Variants in CEP112 observed in about 807,000 individuals in gnomAD.
CEP112 encodes the protein centrosomal protein 112.
Under a neutral mutation model 153.0 loss-of-function variants are expected in CEP112, and 127 were observed. The observed-to-expected ratio is 0.83, with a 90% CI of 0.72 to 0.96. CEP112 has a LOEUF of 0.96. Ranked by LOEUF, CEP112 falls within the 40% of genes least tolerant of loss-of-function variation. The probability of loss-of-function intolerance (pLI) is 0.00; values close to 1 mark genes in which losing one functional copy is unlikely to be tolerated. For missense variants in CEP112, 1,089 were observed against 1,101.2 expected (o/e 0.99, Z 0.16); for synonymous variants, 358 against 374.4 (o/e 0.96, Z 0.51).
chr17:66,107,926 A>G (rs1293262530), intron 6 of CEP112, among the ~76,000 whole-genome samples: 2 of 152,210 alleles, frequency 1.3e-5, no homozygotes, highest in African/African-American at 4.8e-5. Flanking sequence ...CCAAAACAGC[A>G]TGGTAGTGGC....
At chr17:66,175,345 A>C in intron 3 of CEP112, 129 bp from the exon 4 acceptor site, 1 of 620,888 alleles carries the variant, frequency 1.6e-6, no homozygotes, top group Non-Finnish European at 2.6e-6. Context: ...CAAACATTTA[A>C]AAAATTAAAT....
chr17:65,855,376 T>G (rs763987040), intron 20 of CEP112, among the ~76,000 whole-genome samples: 2 of 152,188 alleles, frequency 1.3e-5, no homozygotes, highest in Admixed American at 1.3e-4. Flanking sequence ...CAGACTTCTC[T>G]GAACTTCCTG....
chr17:66,046,272 G>A (rs2066204468), intron 12 of CEP112, among the ~76,000 whole-genome samples: 1 of 152,080 alleles, frequency 6.6e-6, no homozygotes, highest in Non-Finnish European at 1.5e-5. Flanking sequence ...TCAATCTCCT[G>A]ACCTTGTGAT....
chr17:66,087,932 C>T (rs2068000775), intron 8 of CEP112, among the ~76,000 whole-genome samples: 1 of 152,016 alleles, frequency 6.6e-6, no homozygotes, highest in Admixed American at 6.6e-5. Flanking sequence ...GCCCTAGACT[C>T]CCAGCCAGTA....
chr17:66,054,137 C>A (rs2066574118), intron 11 of CEP112, among the ~76,000 whole-genome samples: 3 of 152,060 alleles, frequency 2.0e-5, no homozygotes, highest in Admixed American at 2.0e-4. Context: ...GAATTATCTG[C>A]CTCAGGTAGA....
intron 8 of CEP112, among the ~76,000 whole-genome samples, chr17:66,077,068 T>C (rs1484289944): frequency 1.3e-5 from 2 of 152,312 alleles, no homozygotes; most frequent in Non-Finnish European, 2.9e-5. Flanking sequence ...CCTTCAGTCC[T>C]AGACTTTTCT....
chr17:65,640,156 T>TATATATATATATA (rs1567796006), intron 25 of CEP112, among the ~76,000 whole-genome samples: 9 of 32,334 alleles, frequency 2.8e-4, no homozygotes, highest in African/African-American at 1.8e-3. Flanking sequence ...ATATATATAT[T>TATATATATATATA]TTTTTTTTTT....
chr17:66,018,607 G>A (rs181772002), intron 16 of CEP112, among the ~76,000 whole-genome samples: 201 of 152,178 alleles, frequency 1.3e-3, no homozygotes, highest in African/African-American at 4.6e-3. Flanking sequence ...AAAGGCACAC[G>A]TACTCTTAAA....
chr17:66,144,656 G>A (rs996118109), intron 4 of CEP112, among the ~76,000 whole-genome samples: 5 of 152,176 alleles, frequency 3.3e-5, no homozygotes, highest in Non-Finnish European at 5.9e-5. Flanking sequence ...TCGCACCACT[G>A]CACTCCAGTG....
At chr17:66,048,000 T>A (rs939477354) in intron 12 of CEP112, among the ~76,000 whole-genome samples, 1 of 152,210 alleles carries the variant, frequency 6.6e-6, no homozygotes, top group African/African-American at 2.4e-5. Context: ...TTAAATCATA[T>A]CCAGATTACC....
chr17:65,713,464 A>C (rs975075029), intron 23 of CEP112, among the ~76,000 whole-genome samples: 1 of 152,244 alleles, frequency 6.6e-6, no homozygotes, highest in Non-Finnish European at 1.5e-5. Flanking sequence ...TGTGCTACAC[A>C]TTGGTTCCTA....
intron 24 of CEP112, among the ~76,000 whole-genome samples, chr17:65,679,016 C>T (rs920388436): frequency 9.3e-5 from 14 of 150,962 alleles, no homozygotes; most frequent in Admixed American, 7.9e-4. Context: ...AAGTGTTTGA[C>T]TTGCTTTGGC....
chr17:66,177,098 C>T, intron 2 of CEP112, 78 bp from the exon 3 acceptor site: 1 of 1,157,660 alleles, frequency 8.6e-7, no homozygotes, highest in Non-Finnish European at 1.2e-6. Flanking sequence ...TATAATAGCA[C>T]CTGCTTTAGT....
chr17:65,701,875 T>A (rs1487694049), intron 23 of CEP112, among the ~76,000 whole-genome samples: 1 of 151,022 alleles, frequency 6.6e-6, no homozygotes, highest in East Asian at 1.9e-4. Flanking sequence ...TTGCCCACAT[T>A]CCTTCAACTT....
intron 20 of CEP112, among the ~76,000 whole-genome samples, chr17:65,888,594 T>C (rs924759972): frequency 6.6e-6 from 1 of 152,220 alleles, no homozygotes; most frequent in African/African-American, 2.4e-5. Flanking sequence ...TATTTATCCA[T>C]TTTGAATTTT....
At chr17:65,998,925 C>T (rs1349299350) in intron 17 of CEP112, among the ~76,000 whole-genome samples, 1 of 151,782 alleles carries the variant, frequency 6.6e-6, no homozygotes, top group Non-Finnish European at 1.5e-5. Context: ...TCAAACTGTT[C>T]CCAAAACCAC....
rs763485372 is a variant in CEP112 at position 66,029,149 on chromosome 17, G to C, written c.1477C>G (p.Gln493Glu). 2 of 1,603,858 alleles carry C rather than the reference G, an allele frequency of 1.2e-6. No homozygotes were observed. The highest frequency in any genetic ancestry group is 2.2e-5 in the South Asian group (2 of 90,410). ...KYDADINLLK[Q>E]EHALSASKAS... ...TTAGAAGCTGAAAGAGCATGTTCTT[G>C]TTTTAGAAGGTTTATATCAGCATCA... is the stretch of plus-strand genomic sequence containing the variant. Residue 493 changes from glutamine (Q) to glutamate (E), a missense_variant, in exon 14 of 27, where the codon CAA (glutamine) becomes GAA (glutamate). Gln to Glu is a conservative substitution (Grantham distance 29). Transcript: ENST00000535342.
chr17:65,709,640 C>A (rs932121644), intron 23 of CEP112, among the ~76,000 whole-genome samples: 2 of 152,172 alleles, frequency 1.3e-5, no homozygotes, highest in African/African-American at 4.8e-5. Context: ...ACTGCAAAAC[C>A]ATATCAATAT....
At chr17:66,182,752 G>C (rs2072769496) in intron 2 of CEP112, among the ~76,000 whole-genome samples, 1 of 152,188 alleles carries the variant, frequency 6.6e-6, no homozygotes, top group African/African-American at 2.4e-5. Flanking sequence ...ACTGGATTTT[G>C]TTCTGCCAAC....
Sources: allele counts gnomAD v4.1 joint callset (sites outside exome capture counted in the v4.1 genomes callset), GRCh38; gene constraint gnomAD v4.1.1; transcripts MANE v1.5; gene names NCBI Gene and HGNC (gene_info 2026-07-23, HGNC 2026-07-21).